The following SLC12A2 variants were observed in gnomAD, a reference collection of about 807,000 sequenced individuals.
SLC12A2 encodes Na-K-2Cl cotransporter 1.
Under a neutral mutation model 136.3 loss-of-function variants are expected in SLC12A2, and 67 were observed. That is an observed-to-expected ratio of 0.49 (90% CI 0.40 to 0.60). The LOEUF is 0.60. Among genes scored for constraint, SLC12A2 ranks in the 20% least tolerant of loss-of-function variants. The pLI is 0.00. For synonymous variants in SLC12A2, 619 were observed against 562.9 expected, an observed-to-expected ratio of 1.10 and a Z score of -1.41; for missense variants, 1,322 against 1,534.7, an observed-to-expected ratio of 0.86 and a Z score of 2.32.
At chr5:128,126,970 T>TAA (rs1761832390) in intron 4 of SLC12A2, among the ~76,000 whole-genome samples, 1 of 94,170 alleles carries the variant, frequency 1.1e-5, no homozygotes. Context: ...ATATATATTT[T>TAA]TTTTTTTTTT....
intron 1 of SLC12A2, among the ~76,000 whole-genome samples, chr5:128,095,160 G>A (rs991076778): frequency 6.6e-6 from 1 of 152,166 alleles, no homozygotes; most frequent in Non-Finnish European, 1.5e-5. Flanking sequence ...GGTTCTCAAT[G>A]AAGTGTTTCA....
chr5:128,162,552 C>T (rs1190672659), intron 17 of SLC12A2, among the ~76,000 whole-genome samples: 1 of 151,920 alleles, frequency 6.6e-6, no homozygotes, highest in Non-Finnish European at 1.5e-5. Flanking sequence ...AAGTTGAGTT[C>T]AGTAGTTTTG....
Position 128,186,773 on chromosome 5 carries a change from A to G in SLC12A2, c.*142A>G. 1.2e-6 allele frequency: 1 copy of G among 865,862 alleles called. No homozygotes were observed. Among genetic ancestry groups the G allele is most frequent in the Non-Finnish European group, 1.8e-6 (1 of 566,338 alleles). The allele number at this position is 865,862 out of a possible 1,614,324, so 53.6% of individuals were successfully genotyped here. On this transcript the variant is annotated 3_prime_UTR_variant, in exon 27 of 27. Transcript: ENST00000262461. ...TTCATTAATTTGAAAGCACACAGGA[A>G]AGTTGCTCCATTGATAACGTGTATG...
In SLC12A2 at chr5:128,169,676, A is replaced by G. The variant is rs1340838609; in HGVS notation, c.2723+1809A>G. 14 of 152,174 alleles carry G rather than the reference A, an allele frequency of 9.2e-5. 1 individual carries two copies. The highest frequency in any genetic ancestry group is 2.1e-4 in the Non-Finnish European group (14 of 68,028). 9.4% of individuals were successfully genotyped at this position (152,174 alleles called of 1,614,324 possible). On this transcript the variant is annotated intron_variant, in intron 18 of 26. Coordinates refer to ENST00000262461, the MANE Select transcript of SLC12A2 (RefSeq NM_001046.3). ...ATAGGGATTAGGGACAGAAAGATTA[A>G]TGTGGTCCATGAGCCATGAAACCCT...
At chr5:128,110,529 TC>T in intron 1 of SLC12A2, 1 of 1,413,080 alleles carries the variant, frequency 7.1e-7, no homozygotes, top group East Asian at 2.3e-5. Context: ...ACCTGTATGG[TC>T]CCATTGTGAA....
chr5:128,171,532 A>G, intron 18 of SLC12A2, 135 bp from the exon 19 acceptor site: 1 of 639,990 alleles, frequency 1.6e-6, no homozygotes, highest in Non-Finnish European at 2.7e-6. Flanking sequence ...GTGATTTTCA[A>G]AGCATGTTTT....
chr5:128,093,275 G>A (rs1310655041), intron 1 of SLC12A2, among the ~76,000 whole-genome samples: 1 of 152,054 alleles, frequency 6.6e-6, no homozygotes, highest in Non-Finnish European at 1.5e-5. Flanking sequence ...ATCCTTTGCA[G>A]TCGCCTCCTT....
In SLC12A2 at chr5:128,084,312, G is replaced by C. The variant is rs529205972; in HGVS notation, c.358G>C (p.Gly120Arg). 6.5e-6 allele frequency: 10 copies of C among 1,533,854 alleles called. No homozygotes were observed. The highest frequency in any genetic ancestry group is 5.5e-5 in the African/African-American group (4 of 73,370). The part of the protein sequence containing the change: ...GAGAKQTPAD[G>R]EASGESEPAK... ...GGGGGCCAAGCAGACCCCCGCGGAC[G>C]GGGAAGCCAGCGGCGAGAGCGAGCC... Residue 120 changes from glycine (G) to arginine (R), a missense_variant, in exon 1 of 27, where the codon GGG (glycine) becomes CGG (arginine). Coordinates refer to ENST00000262461, the MANE Select transcript of SLC12A2 (RefSeq NM_001046.3). The surrounding 1 kb of genome is among the most constrained non-coding windows in gnomAD (Gnocchi z 5.6).
At chr5:128,108,356 C>G (rs1292492915) in intron 1 of SLC12A2, among the ~76,000 whole-genome samples, 1 of 152,092 alleles carries the variant, frequency 6.6e-6, no homozygotes, top group Non-Finnish European at 1.5e-5. Context: ...CTTTAGACAG[C>G]TGTTCATGGC....
At chr5:128,176,612 T>C (rs1319531133) in intron 20 of SLC12A2, among the ~76,000 whole-genome samples, 2 of 152,028 alleles carry the variant, frequency 1.3e-5, no homozygotes, top group Non-Finnish European at 2.9e-5. Context: ...AAAATACTTA[T>C]GTCTCTGATC....
intron 1 of SLC12A2, among the ~76,000 whole-genome samples, chr5:128,093,262 C>G (rs530315300): frequency 6.6e-6 from 1 of 152,102 alleles, no homozygotes; most frequent in African/African-American, 2.4e-5. Flanking sequence ...CTTTCAGCCT[C>G]GCATCCTTTG....
intron 1 of SLC12A2, among the ~76,000 whole-genome samples, chr5:128,101,594 G>A (rs1179975937): frequency 2.0e-5 from 3 of 152,102 alleles, no homozygotes; most frequent in Non-Finnish European, 4.4e-5. Flanking sequence ...CTAAAATAAA[G>A]ATCCCCACTC....
chr5:128,186,941 A>G lies in SLC12A2; in HGVS notation c.*310A>G, dbSNP rs184003636. The G allele has an allele frequency of 2.3e-4, 48 of 210,366 alleles. No homozygotes were observed. The highest frequency in any genetic ancestry group is 1.0e-3 in the African/African-American group (45 of 43,732). 13.0% of individuals were successfully genotyped at this position (210,366 alleles called of 1,614,324 possible). ...ACTTTTTGATTGATGAAAGAAGTAC[A>G]AAAAGCCTTTAGCCTTGAGGTGCCT... is the stretch of plus-strand genomic sequence containing the variant. On this transcript the variant is annotated 3_prime_UTR_variant, in exon 27 of 27. Coordinates refer to ENST00000262461, the MANE Select transcript of SLC12A2 (RefSeq NM_001046.3).
chr5:128,135,856 T>G (rs1474392714), intron 7 of SLC12A2, 48 bp downstream of exon 7: 1 of 1,006,396 alleles, frequency 9.9e-7, no homozygotes, highest in Non-Finnish European at 1.5e-6. Context: ...ATTTATAGAA[T>G]TCTATCATCA....
intron 22 of SLC12A2, among the ~76,000 whole-genome samples, chr5:128,179,760 T>C (rs1263414447): frequency 1.3e-5 from 2 of 151,976 alleles, no homozygotes; most frequent in Non-Finnish European, 2.9e-5. Flanking sequence ...CACCTCCCAC[T>C]AAGCTCCACC....
intron 20 of SLC12A2, among the ~76,000 whole-genome samples, chr5:128,175,509 C>CT (rs1763509981): frequency 1.3e-5 from 2 of 151,866 alleles, no homozygotes; most frequent in African/African-American, 4.8e-5. Context: ...TTCATTTCCT[C>CT]TTTTTTGTTT....
chr5:128,084,924 C>T lies in SLC12A2; in HGVS notation c.756+214C>T, dbSNP rs1376172848. 6.6e-6 allele frequency among the ~76,000 whole-genome samples: 1 copy of T among 150,420 alleles called. No homozygotes were observed. Among genetic ancestry groups the T allele is most frequent in the African/African-American group, 2.5e-5 (1 of 40,750 alleles). ...GCGGGTTTGGCTAGTTACGTGATAC[C>T]GGAGGGCTGCCTCTAACAACCTTCC... is the stretch of plus-strand genomic sequence containing the variant. On this transcript the variant is annotated intron_variant, in intron 1 of 26. Transcript: ENST00000262461. The surrounding 1 kb of genome is among the most constrained non-coding windows in gnomAD (Gnocchi z 5.6).
At chr5:128,097,326 T>C (rs1375608988) in intron 1 of SLC12A2, among the ~76,000 whole-genome samples, 1 of 152,120 alleles carries the variant, frequency 6.6e-6, no homozygotes, top group African/African-American at 2.4e-5. Flanking sequence ...TATCTAGCAT[T>C]AAGTAACATT....
intron 8 of SLC12A2, 22 bp downstream of exon 8, chr5:128,138,746 A>G (rs1762263072): frequency 1.2e-6 from 2 of 1,604,472 alleles, no homozygotes; most frequent in East Asian, 2.2e-5. Flanking sequence ...AAAGTGCTAT[A>G]TCAATTATAT....
Sources: allele counts gnomAD v4.1 joint callset (sites outside exome capture counted in the v4.1 genomes callset), GRCh38; gene constraint gnomAD v4.1.1; non-coding constraint Gnocchi (gnomAD v3.1); transcripts MANE v1.5; gene names NCBI Gene and HGNC (gene_info 2026-07-23, HGNC 2026-07-21).